The following MYO19 variants were observed in gnomAD, a reference collection of about 807,000 sequenced individuals.
MYO19 encodes myosin XIX, also known as unconventional myosin-XIX.
A neutral mutation model predicts 129.2 loss-of-function variants in MYO19; 132 were observed. The observed-to-expected ratio is 1.02, with a 90% CI of 0.89 to 1.18. The LOEUF (loss-of-function observed/expected upper bound fraction) is 1.18. MYO19 is among the 50% of genes most tolerant of loss of function. The pLI, the probability that MYO19 is intolerant of heterozygous loss-of-function variation, is 0.00. For synonymous variants in MYO19, 531 were observed against 477.2 expected (o/e 1.11, Z -1.47); for missense variants, 1,210 against 1,216.7 (o/e 0.99, Z 0.08).
chr17:36,504,023 G>GC lies in MYO19; in HGVS notation c.1906-4dup. ...CAGGCCTCCAGCTGGCTCAGGACCTGCAAGGGTGGGGAGACAGGGCAGGCA... is the reference window on the plus strand; with the variant it reads ...CAGGCCTCCAGCTGGCTCAGGACCTGCCAAGGGTGGGGAGACAGGGCAGGCA... On this transcript the variant is annotated splice_polypyrimidine_tract_variant and splice_region_variant and intron_variant, in intron 19 of 25. Coordinates refer to ENST00000614623, the MANE Select transcript of MYO19 (RefSeq NM_001163735.2). 6.4e-7 allele frequency: 1 copy of GC among 1,565,938 alleles called. No individual in the cohort carries two copies. The highest frequency in any genetic ancestry group is 8.6e-7 in the Non-Finnish European group (1 of 1,158,514).
At chr17:36,529,588 T>C (rs1253171459) in intron 3 of MYO19, among the ~76,000 whole-genome samples, 4 of 152,320 alleles carry the variant, frequency 2.6e-5, no homozygotes, top group South Asian at 2.1e-4. Context: ...TCCAAAACTG[T>C]TGCCTGTTCT....
Position 36,507,456 on chromosome 17 carries a change from C to A in MYO19, c.1410G>T (p.Gln470His), listed in dbSNP as rs766589805. ...TTCCCTCAATGAGATCCAAACAGGGCTGGTTGTCCTGGTAGTTGATGAATG... is the reference window on the plus strand; with the variant it reads ...TTCCCTCAATGAGATCCAAACAGGGATGGTTGTCCTGGTAGTTGATGAATG... Reference protein sequence around the residue: ...EWSFINYQDNQPCLDLIEGSP... With the variant: ...EWSFINYQDNHPCLDLIEGSP... The change falls in exon 16 of 26, where the codon CAG (glutamine) becomes CAT (histidine). Residue 470 changes from glutamine (Q) to histidine (H), a missense_variant. Coordinates refer to ENST00000614623, the MANE Select transcript of MYO19 (RefSeq NM_001163735.2). 2 of 1,613,760 alleles carry A rather than the reference C, an allele frequency of 1.2e-6. No individual in the cohort carries two copies. Among genetic ancestry groups the A allele is most frequent in the South Asian group, 1.1e-5 (1 of 91,080 alleles).
intron 6 of MYO19, among the ~76,000 whole-genome samples, chr17:36,522,042 A>G (rs1357865065): frequency 2.0e-5 from 3 of 151,228 alleles, no homozygotes; most frequent in South Asian, 2.1e-4. Flanking sequence ...AAAAAAAAAA[A>G]AAAAAGAAAA....
chr17:36,514,555 C>A lies in MYO19; in HGVS notation c.618-7G>T. On this transcript the variant is annotated splice_polypyrimidine_tract_variant and splice_region_variant and intron_variant, in intron 8 of 25. Transcript: ENST00000614623. ...TCCAGTCATTTGCTGAGCCCTGGGA[C>A]ACACACAGGCCAGAGCCCGTTAGTT... 6.3e-7 allele frequency: 1 copy of A among 1,588,902 alleles called. No individual in the cohort carries two copies. Among genetic ancestry groups the A allele is most frequent in the Non-Finnish European group, 8.6e-7 (1 of 1,157,052 alleles).
rs59489298 is a variant in MYO19 at position 36,510,581 on chromosome 17, T to C, written c.1157+165A>G. Among the ~76,000 whole-genome samples the C allele has an allele frequency of 6.8e-3, 1,033 of 152,352 alleles. 18 individuals carry two copies. Among genetic ancestry groups the C allele is most frequent in the African/African-American group, 0.024 (1,008 of 41,578 alleles). ...ACGCTGCTTGGTGAAACCTGGGAGC[T>C]GTGCCCTGATGTGTCCAGGGGTTTG... On this transcript the variant is annotated intron_variant, in intron 13 of 25. Transcript: ENST00000614623.
intron 23 of MYO19, chr17:36,499,476 G>A (rs2071306660): frequency 4.5e-6 from 1 of 221,818 alleles, no homozygotes; most frequent in Non-Finnish European, 9.3e-6. Context: ...GGAATGGGAG[G>A]GGTCTGGATT....
chr17:36,538,755 T>C, upstream of MYO19: 1 of 766,506 alleles, frequency 1.3e-6, no homozygotes, highest in Non-Finnish European at 2.0e-6. Context: ...CAGTGATGCT[T>C]AATTATTTTT....
intron 18 of MYO19, among the ~76,000 whole-genome samples, chr17:36,506,253 C>T (rs1417307332): frequency 6.6e-6 from 1 of 152,110 alleles, no homozygotes; most frequent in African/African-American, 2.4e-5. Flanking sequence ...CCCTAGACTT[C>T]CCATCATATT....
In MYO19 at chr17:36,496,241, G is replaced by A; in HGVS notation, c.*10C>T. 6.2e-7 allele frequency: 1 copy of A among 1,613,498 alleles called. No individual in the cohort carries two copies. On this transcript the variant is annotated 3_prime_UTR_variant, in exon 26 of 26. Transcript: ENST00000614623. ...AGGAAAAGGCCTTGTGGAAACAAAGGCACCAAGGATCACCCCAGCCCAGTG... is the reference window on the plus strand; with the variant it reads ...AGGAAAAGGCCTTGTGGAAACAAAGACACCAAGGATCACCCCAGCCCAGTG...
intron 23 of MYO19, chr17:36,500,587 G>C (rs1299946428): frequency 1.9e-6 from 1 of 538,698 alleles, no homozygotes; most frequent in Admixed American, 3.3e-5. Context: ...ACAACGCTTA[G>C]ACAACGCTTA....
chr17:36,515,088 T>C (rs1186387188), intron 8 of MYO19, 25 bp downstream of exon 8: 2 of 1,590,234 alleles, frequency 1.3e-6, no homozygotes, highest in East Asian at 2.3e-5. Context: ...ATCCTCCCAC[T>C]AGCCAGGGCA....
chr17:36,536,523 C>CTT (rs2074128923), upstream of MYO19, among the ~76,000 whole-genome samples: 5 of 130,852 alleles, frequency 3.8e-5, no homozygotes, highest in Admixed American at 7.9e-5. Context: ...TTTTTCTTTT[C>CTT]CTTTTTTTTT....
At chr17:36,526,765 T>C (rs575384084) in intron 5 of MYO19, among the ~76,000 whole-genome samples, 1 of 152,116 alleles carries the variant, frequency 6.6e-6, no homozygotes, top group Non-Finnish European at 1.5e-5. Context: ...TGGGCACCTG[T>C]AGTCCCAGCT....
intron 23 of MYO19, 127 bp from the exon 24 acceptor site, chr17:36,499,287 T>A: frequency 3.2e-6 from 2 of 622,212 alleles, no homozygotes; most frequent in Non-Finnish European, 2.8e-6. Context: ...TTCAATAAAT[T>A]GCTACAAATA....
Position 36,528,166 on chromosome 17 carries a change from TGG to T in MYO19, c.47_48del (p.Ala16GlufsTer23), listed in dbSNP as rs1432350125. 2.3e-5 allele frequency: 37 copies of T among 1,605,728 alleles called. No individual in the cohort carries two copies. The highest frequency in any genetic ancestry group is 3.1e-5 in the Non-Finnish European group (37 of 1,175,920). ...TGCAGGTCTTCTCTGAGGTACTCCC[TGG>T]CTTGGCCATCAGACCCCGGATTGTG... ...NGHNPGSDGQ[A>X]REYLREDLQE... On this transcript the variant is annotated frameshift_variant, in exon 4 of 26. Transcript: ENST00000614623. LOFTEE classifies it high-confidence loss of function.
intron 6 of MYO19, among the ~76,000 whole-genome samples, chr17:36,521,587 T>A (rs2073132545): frequency 6.6e-6 from 1 of 152,104 alleles, no homozygotes. Context: ...GGACATGAGT[T>A]TCCAAGTTAA....
At chr17:36,522,312 A>G (rs897037425) in intron 6 of MYO19, among the ~76,000 whole-genome samples, 1 of 151,390 alleles carries the variant, frequency 6.6e-6, no homozygotes, top group African/African-American at 2.4e-5. Flanking sequence ...GTTCAAGACC[A>G]GCCTGGCCAA....
In MYO19 at chr17:36,501,091, T is replaced by C. The variant is rs762647108; in HGVS notation, c.2225A>G (p.Lys742Arg). ...CACCATAGAGTCAGTCATGAACACC[T>C]TGGTCCTGCCACAGTGCATGGGGGC... ...MPAPMHCGRT[K>R]VFMTDSMLEL... Residue 742 changes from lysine to arginine, a missense_variant, in exon 22 of 26, where the codon AAG (lysine) becomes AGG (arginine). By Grantham distance (26) the Lys-to-Arg change is conservative (BLOSUM62 2). Coordinates refer to ENST00000614623, the MANE Select transcript of MYO19 (RefSeq NM_001163735.2). 1 of 1,613,594 alleles carries C rather than the reference T, an allele frequency of 6.2e-7. No individual in the cohort carries two copies. Among genetic ancestry groups the C allele is most frequent in the Non-Finnish European group, 8.5e-7 (1 of 1,179,648 alleles).
intron 24 of MYO19, 118 bp from the exon 25 acceptor site, chr17:36,498,677 T>C (rs1223943312): frequency 6.5e-6 from 8 of 1,234,200 alleles, no homozygotes; most frequent in Middle Eastern, 5.6e-4. Flanking sequence ...GGCACCTGGT[T>C]GCAAACAGCT....
Sources: allele counts gnomAD v4.1 joint callset (sites outside exome capture counted in the v4.1 genomes callset), GRCh38; gene constraint gnomAD v4.1.1; transcripts MANE v1.5; gene names NCBI Gene and HGNC (gene_info 2026-07-23, HGNC 2026-07-21).